PPP4R1: variants seen among roughly 807,000 people sequenced by gnomAD.
PPP4R1 encodes the protein protein phosphatase 4 regulatory subunit 1.
Under a neutral mutation model 111.2 loss-of-function variants are expected in PPP4R1, and 42 were observed. That is an observed-to-expected ratio of 0.38 (90% CI 0.29 to 0.49). The LOEUF (loss-of-function observed/expected upper bound fraction) is 0.49, where lower values mean the gene tolerates loss of function less well. Ranked by LOEUF, PPP4R1 falls within the 20% of genes least tolerant of loss-of-function variation. PPP4R1 has a pLI of 0.97. For missense variants in PPP4R1, 1,012 were observed against 1,161.6 expected, an observed-to-expected ratio of 0.87 and a Z score of 1.87; for synonymous variants, 409 against 405.5, an observed-to-expected ratio of 1.01 and a Z score of -0.10.
intron 2 of PPP4R1, among the ~76,000 whole-genome samples, chr18:9,608,792 G>A (rs2067527926): frequency 6.6e-6 from 1 of 152,204 alleles, no homozygotes; most frequent in South Asian, 2.1e-4. Context: ...ATAGGAGCAA[G>A]GTAACAATAG....
In PPP4R1 at chr18:9,553,409, T is replaced by C; in HGVS notation, c.2204A>G (p.Asp735Gly). The C allele has an allele frequency of 6.4e-7, 1 of 1,573,182 alleles. No homozygotes were observed. The highest frequency in any genetic ancestry group is 1.3e-5 in the African/African-American group (1 of 74,108). Residue 735 changes from aspartate to glycine, a missense_variant, in exon 16 of 20, where the codon GAC (aspartate) becomes GGC (glycine). This residue lies in a region of PPP4R1 where 305 missense variants were observed against 419.5 expected (regional missense o/e 0.73). Coordinates refer to ENST00000400556, the MANE Select transcript of PPP4R1 (RefSeq NM_001042388.3). Reference protein sequence around the residue: ...LHDFLKLLHIDKRREYLYQLQ... With the variant: ...LHDFLKLLHIGKRREYLYQLQ... ...TTGATAAAGATATTCTCTTCTTTTGTCAATATGAAGAAGCTAAAGTAACAA... is the reference window on the plus strand; with the variant it reads ...TTGATAAAGATATTCTCTTCTTTTGCCAATATGAAGAAGCTAAAGTAACAA...
intron 10 of PPP4R1, among the ~76,000 whole-genome samples, chr18:9,573,507 T>C (rs9948193): frequency 0.01 from 1,588 of 152,292 alleles, 30 homozygotes; most frequent in African/African-American, 0.035. Context: ...TATAATAAGA[T>C]ATTGTTCAGA....
At chr18:9,606,248 G>GGT (rs1568129402) in intron 2 of PPP4R1, among the ~76,000 whole-genome samples, 5 of 152,168 alleles carry the variant, frequency 3.3e-5, no homozygotes, top group Admixed American at 1.3e-4. Context: ...GGATTTTATA[G>GGT]CACAGTGAAG....
At chr18:9,582,850 G>A (rs773542924) in intron 9 of PPP4R1, among the ~76,000 whole-genome samples, 1 of 152,138 alleles carries the variant, frequency 6.6e-6, no homozygotes, top group Non-Finnish European at 1.5e-5. Context: ...TTCCAAAGAT[G>A]CAAGTGGTTT....
intron 18 of PPP4R1, 27 bp from the exon 19 acceptor site, chr18:9,549,365 GC>G: frequency 6.4e-7 from 1 of 1,571,792 alleles, no homozygotes; most frequent in Non-Finnish European, 8.7e-7. Flanking sequence ...GCTGCTCTAG[GC>G]TTCTCTGTCA....
At chr18:9,548,409 C>CGGG (rs34715958) in intron 19 of PPP4R1, among the ~76,000 whole-genome samples, 1 of 151,618 alleles carries the variant, frequency 6.6e-6, no homozygotes, top group Non-Finnish European at 1.5e-5. Flanking sequence ...CGGCAGGCGG[C>CGGG]GGGGGGGTCG....
intron 2 of PPP4R1, among the ~76,000 whole-genome samples, chr18:9,606,180 A>G (rs1345713891): frequency 6.6e-6 from 1 of 152,220 alleles, no homozygotes; most frequent in Non-Finnish European, 1.5e-5. Context: ...TTAAGCACTG[A>G]TGAGATGTAT....
At chr18:9,585,720 A>G (rs1346590093) in intron 6 of PPP4R1, among the ~76,000 whole-genome samples, 1 of 152,224 alleles carries the variant, frequency 6.6e-6, no homozygotes, top group African/African-American at 2.4e-5. Flanking sequence ...ATAAAAATCT[A>G]TTGTATTTCT....
At chr18:9,552,563 C>T (rs2066506263) in intron 16 of PPP4R1, among the ~76,000 whole-genome samples, 1 of 152,166 alleles carries the variant, frequency 6.6e-6, no homozygotes, top group Non-Finnish European at 1.5e-5. Context: ...CCATACATTG[C>T]TGATGGGAAT....
intron 11 of PPP4R1, among the ~76,000 whole-genome samples, chr18:9,567,665 C>T (rs529310771): frequency 6.6e-6 from 1 of 152,296 alleles, no homozygotes; most frequent in South Asian, 2.1e-4. Flanking sequence ...ATTGATAAAG[C>T]AGTGGTGGTG....
chr18:9,556,764 T>C (rs1477781541), intron 15 of PPP4R1, among the ~76,000 whole-genome samples: 7 of 152,210 alleles, frequency 4.6e-5, no homozygotes, highest in African/African-American at 7.2e-5. Flanking sequence ...TTGAACTGCA[T>C]GGGTCCACTT....
At chr18:9,586,177 T>C (rs2067113609) in intron 6 of PPP4R1, among the ~76,000 whole-genome samples, 1 of 151,674 alleles carries the variant, frequency 6.6e-6, no homozygotes, top group Non-Finnish European at 1.5e-5. Context: ...CTCTATCTAT[T>C]AAGATAGAGA....
intron 11 of PPP4R1, among the ~76,000 whole-genome samples, chr18:9,564,587 C>A (rs1022248650): frequency 6.6e-6 from 1 of 152,110 alleles, no homozygotes; most frequent in Non-Finnish European, 1.5e-5. Flanking sequence ...CCCTTTTAAT[C>A]ACTTCAGCCA....
chr18:9,558,660 A>C (rs925281912), intron 14 of PPP4R1, among the ~76,000 whole-genome samples: 7 of 151,518 alleles, frequency 4.6e-5, no homozygotes, highest in South Asian at 2.1e-4. Context: ...GTTTAAGGAA[A>C]AGTCATCACA....
chr18:9,567,204 A>C (rs1311132579), intron 11 of PPP4R1, among the ~76,000 whole-genome samples: 1 of 152,216 alleles, frequency 6.6e-6, no homozygotes, highest in Non-Finnish European at 1.5e-5. Context: ...GTATGGAAGA[A>C]GGTAATTTCA....
chr18:9,598,143 A>C (rs950134927), intron 2 of PPP4R1, among the ~76,000 whole-genome samples: 1 of 152,322 alleles, frequency 6.6e-6, no homozygotes, highest in Non-Finnish European at 1.5e-5. Context: ...AAACAGAAAA[A>C]ATATGGGGGA....
In PPP4R1 at chr18:9,583,293, A is replaced by T. The variant is rs1161466231; in HGVS notation, c.760-18T>A. 6.6e-7 allele frequency: 1 copy of T among 1,517,662 alleles called. No individual in the cohort carries two copies. Among genetic ancestry groups the T allele is most frequent in the South Asian group, 1.3e-5 (1 of 79,590 alleles). 94.0% of individuals were successfully genotyped at this position (1,517,662 alleles called of 1,614,324 possible). Reference sequence around the variant, plus strand: ...CTGGGCAGCTATGTGAAAAGGAAAGAGTCTTGTTAGTTGGATAAAGATAGC... The same window carrying T: ...CTGGGCAGCTATGTGAAAAGGAAAGTGTCTTGTTAGTTGGATAAAGATAGC... On this transcript the variant is annotated intron_variant, in intron 8 of 19. Transcript: ENST00000400556.
intron 3 of PPP4R1, 127 bp downstream of exon 3, chr18:9,594,890 TA>T: frequency 8.7e-7 from 1 of 1,143,578 alleles, no homozygotes; most frequent in Non-Finnish European, 1.2e-6. Context: ...TGATTATGAA[TA>T]AAACTTGGTG....
At chr18:9,587,751 C>A (rs1048829440) in intron 6 of PPP4R1, among the ~76,000 whole-genome samples, 1 of 148,300 alleles carries the variant, frequency 6.7e-6, no homozygotes, top group African/African-American at 2.5e-5. Flanking sequence ...CTTGCTCTGT[C>A]GCCCAGGCTG....
Sources: gnomAD v4.1 joint callset for allele counts (sites outside exome capture counted in the v4.1 genomes callset) on GRCh38, gnomAD v4.1.1 for gene constraint, gnomAD v4.1.1 regional missense constraint, MANE v1.5 for transcripts, NCBI Gene and HGNC (gene_info 2026-07-23, HGNC 2026-07-21) for gene names.